The following NID2 variants were observed in gnomAD, a reference collection of about 807,000 sequenced individuals.
The protein encoded by NID2 is nidogen-2.
In NID2, 83 loss-of-function variants were observed where a neutral mutation model predicts 145.4. The ratio of observed to expected loss-of-function variants is 0.57; its 90% CI spans 0.48 to 0.69. The LOEUF is 0.69. Among genes scored for constraint, NID2 ranks in the 30% least tolerant of loss-of-function variants. The probability of loss-of-function intolerance (pLI) is 0.00; values close to 1 mark genes in which losing one functional copy is unlikely to be tolerated. For synonymous variants in NID2, 739 were observed against 701.3 expected (o/e 1.05, Z -0.85); for missense variants, 1,807 against 1,765.7 (o/e 1.02, Z -0.42).
chr14:52,067,361 A>G (rs1893255078), intron 2 of NID2, among the ~76,000 whole-genome samples: 1 of 152,246 alleles, frequency 6.6e-6, no homozygotes, highest in Non-Finnish European at 1.5e-5. Flanking sequence ...TGTGCAGTGT[A>G]AACTCATCAT....
chr14:52,006,747 T>TG, intron 19 of NID2, 87 bp from the exon 20 acceptor site: 1 of 1,410,886 alleles, frequency 7.1e-7, no homozygotes, highest in South Asian at 1.2e-5. Flanking sequence ...AGTGATAGAA[T>TG]GGGGAAATAG....
In NID2 at chr14:52,025,863, G is replaced by A. The variant is rs148294336; in HGVS notation, c.2674+1338C>T. 5.9e-5 allele frequency among the ~76,000 whole-genome samples: 9 copies of A among 152,174 alleles called. 1 individual carries two copies. The East Asian group carries it at 1.4e-3, about 23-fold the overall frequency. On this transcript the variant is annotated intron_variant, in intron 12 of 21. Transcript: ENST00000216286. The stretch of plus-strand genomic sequence containing the variant: ...TTTCAACATGAGTTTTGAAGAAGAC[G>A]AATATTCAAGCCATAGCTTCAACTT...
rs141112807 is a variant in NID2, at chr14:52,058,304, C to A, written c.767+1820G>T. Among the ~76,000 whole-genome samples the A allele has an allele frequency of 3.5e-3, 534 of 152,280 alleles. 2 individuals are homozygous for A. Among genetic ancestry groups the A allele is most frequent in the African/African-American group, 0.012 (482 of 41,568 alleles). On this transcript the variant is annotated intron_variant, in intron 3 of 21. Coordinates refer to ENST00000216286, the MANE Select transcript of NID2 (RefSeq NM_007361.4). ...TTTGGTTTTAAAAGTTTTGTATATACCTAAATTCTAGAAGGACCATTAACA... is the reference window on the plus strand; with the variant it reads ...TTTGGTTTTAAAAGTTTTGTATATAACTAAATTCTAGAAGGACCATTAACA...
At chr14:52,035,864 ATATATATATATAT>A (rs1892047115) in intron 9 of NID2, among the ~76,000 whole-genome samples, 1 of 131,264 alleles carries the variant, frequency 7.6e-6, no homozygotes, top group Admixed American at 8.0e-5. Flanking sequence ...GTGTATATAT[ATATATATATATAT>A]ATGTTTTATT....
chr14:52,065,949 G>A (rs1040136470), intron 2 of NID2, among the ~76,000 whole-genome samples: 12 of 147,822 alleles, frequency 8.1e-5, no homozygotes, highest in African/African-American at 3.0e-4. Flanking sequence ...ATTGTGAATA[G>A]TGCCGCAATA....
rs61351864 is a variant in NID2 at position 52,018,773 on chromosome 14, G to C, written c.3028+288C>G. 6.1e-3 allele frequency among the ~76,000 whole-genome samples: 933 copies of C among 152,298 alleles called. 7 individuals are homozygous for C. The highest frequency in any genetic ancestry group is 0.022 in the African/African-American group (896 of 41,556). ...CTAAGCTGCTCTATAACAGGTCTAG[G>C]GTAGTGTTCTCAGTCTGACCTACAT... On this transcript the variant is annotated intron_variant, in intron 14 of 21. Coordinates refer to ENST00000216286, the MANE Select transcript of NID2 (RefSeq NM_007361.4).
chr14:52,051,135 T>C (rs1490141922), intron 5 of NID2, among the ~76,000 whole-genome samples: 2 of 152,082 alleles, frequency 1.3e-5, no homozygotes, highest in Admixed American at 6.5e-5. Flanking sequence ...AGATATGATC[T>C]GAAAATCTAA....
At chr14:52,023,481 A>T (rs186833019) in intron 12 of NID2, among the ~76,000 whole-genome samples, 58 of 147,804 alleles carry the variant, frequency 3.9e-4, no homozygotes, top group South Asian at 6.3e-4. Context: ...AATAAAAATT[A>T]AAAAAAAATA....
chr14:52,017,925 T>C (rs931447383), intron 14 of NID2, among the ~76,000 whole-genome samples: 3 of 152,140 alleles, frequency 2.0e-5, no homozygotes, highest in African/African-American at 7.2e-5. Flanking sequence ...TTCAAGTGAT[T>C]CTCCTGCCTC....
At chr14:52,010,171 T>G (rs1253311033) in intron 18 of NID2, 2 of 152,208 alleles carry the variant, frequency 1.3e-5, no homozygotes, top group Non-Finnish European at 2.9e-5. Context: ...GGCACTGCAC[T>G]AAGTATTTCA....
At chr14:52,030,501 G>GAA (rs1555363694) in intron 9 of NID2, among the ~76,000 whole-genome samples, 1,505 of 34,438 alleles carry the variant, frequency 0.044, 38 homozygotes, top group South Asian at 0.097. Context: ...AAGAAAGAAA[G>GAA]AGAAAGAAAG....
intron 16 of NID2, among the ~76,000 whole-genome samples, chr14:52,012,362 G>A (rs144635572): frequency 6.6e-6 from 1 of 152,326 alleles, no homozygotes; most frequent in African/African-American, 2.4e-5. Flanking sequence ...CCTGTCCGTT[G>A]GGAGGCCAAA....
At chr14:52,035,572 C>T (rs1595030541) in intron 9 of NID2, among the ~76,000 whole-genome samples, 1 of 152,180 alleles carries the variant, frequency 6.6e-6, no homozygotes, top group Non-Finnish European at 1.5e-5. Context: ...CTCCTGGGCT[C>T]AGGTGATCCT....
At chr14:52,014,250 A>G in intron 16 of NID2, 37 bp downstream of exon 16, 1 of 1,613,946 alleles carries the variant, frequency 6.2e-7, no homozygotes, top group Non-Finnish European at 8.5e-7. Flanking sequence ...TGGGAAAGCC[A>G]CGCAGCCCTG....
rs559317397 is a variant in NID2 at position 52,005,183 on chromosome 14, ATGAATT to A, written c.*297_*302del. 170 of 263,718 alleles carry A rather than the reference ATGAATT, an allele frequency of 6.4e-4. 1 individual carries two copies. Among genetic ancestry groups the A allele is most frequent in the Non-Finnish European group, 1.1e-3 (158 of 140,454 alleles). The allele number at this position is 263,718 out of a possible 1,614,324, so 16.3% of individuals were successfully genotyped here. A position where few individuals can be genotyped will look rare whatever the true frequency, so the allele number is the denominator to read the frequency against. ...GTCTTAAACTCTAATTCTTAGTTGAATGAATTTGATCTTTTAAATATTAATGATAAA... is the reference window on the plus strand; with the variant it reads ...GTCTTAAACTCTAATTCTTAGTTGAATGATCTTTTAAATATTAATGATAAA... On this transcript the variant is annotated 3_prime_UTR_variant, in exon 22 of 22. Coordinates refer to ENST00000216286, the MANE Select transcript of NID2 (RefSeq NM_007361.4).
chr14:52,041,243 A>T (rs1471475359), intron 7 of NID2, among the ~76,000 whole-genome samples: 1 of 152,240 alleles, frequency 6.6e-6, no homozygotes, highest in Non-Finnish European at 1.5e-5. Flanking sequence ...ATTTCAGATA[A>T]GTATGTCTCA....
At chr14:52,028,272 TG>T (rs1341856713) in intron 11 of NID2, among the ~76,000 whole-genome samples, 1 of 29,664 alleles carries the variant, frequency 3.4e-5, no homozygotes, top group East Asian at 3.3e-3. Flanking sequence ...GAGATTTTGT[TG>T]TTTTTTTTTT....
intron 5 of NID2, 140 bp from the exon 6 acceptor site, chr14:52,043,071 T>C: frequency 1.3e-6 from 1 of 760,430 alleles, no homozygotes; most frequent in Non-Finnish European, 2.1e-6. Context: ...CGGCATAACA[T>C]TCAACCCAAG....
rs1566764536 is a variant in NID2 at position 52,042,859 on chromosome 14, C to T, written c.1502G>A (p.Cys501Tyr). 1.9e-6 allele frequency: 3 copies of T among 1,614,170 alleles called. No homozygotes were observed. Among genetic ancestry groups the T allele is most frequent in the Middle Eastern group, 3.3e-4 (2 of 6,062 alleles). The change falls in exon 6 of 22, where the codon TGC becomes TAC. Residue 501 changes from cysteine to tyrosine, a missense_variant. Cys to Tyr is a radical substitution (Grantham distance 194). Coordinates refer to ENST00000216286, the MANE Select transcript of NID2 (RefSeq NM_007361.4). ...NHRQCSRHAF[C>Y]TDYATGFCCH... ...GCAGAAGCCAGTGGCATAGTCCGTG[C>T]AGAAGGCATGCCGGGAGCATTGTCT...
Sources: allele counts gnomAD v4.1 joint callset (sites outside exome capture counted in the v4.1 genomes callset), GRCh38; gene constraint gnomAD v4.1.1; transcripts MANE v1.5; gene names NCBI Gene and HGNC (gene_info 2026-07-23, HGNC 2026-07-21).